CSMD1: variants seen among roughly 807,000 people sequenced by gnomAD.
The protein encoded by CSMD1 is CUB and Sushi multiple domains 1.
CSMD1 carries 213 observed loss-of-function variants against 417.5 expected under a neutral mutation model. The observed-to-expected ratio is 0.51, with a 90% CI of 0.46 to 0.57. The LOEUF is 0.57. Ranked by LOEUF, CSMD1 falls within the 20% of genes least tolerant of loss-of-function variation. The pLI is 0.00. For synonymous variants in CSMD1, 2,862 were observed against 1,736.8 expected, an observed-to-expected ratio of 1.65 and a Z score of -16.11; for missense variants, 6,923 against 4,529.7, an observed-to-expected ratio of 1.53 and a Z score of -15.17.
chr8:3,222,981 A>T (rs1798302445), intron 28 of CSMD1, among the ~76,000 whole-genome samples: 1 of 152,224 alleles, frequency 6.6e-6, no homozygotes, highest in Non-Finnish European at 1.5e-5. Flanking sequence ...AATCCCAGAT[A>T]CTTGTCCTTG....
chr8:3,931,489 G>C (rs866517006), intron 5 of CSMD1, among the ~76,000 whole-genome samples: 3 of 150,030 alleles, frequency 2.0e-5, no homozygotes, highest in Middle Eastern at 6.9e-3. Flanking sequence ...ATTTTTAAAA[G>C]GCATAAAAGC....
chr8:4,131,688 C>A (rs1264564209), intron 3 of CSMD1, among the ~76,000 whole-genome samples: 1 of 151,166 alleles, frequency 6.6e-6, no homozygotes, highest in South Asian at 2.1e-4. Context: ...TTTATTGCAT[C>A]CCTTGCAAAA....
intron 10 of CSMD1, among the ~76,000 whole-genome samples, chr8:3,504,461 G>T (rs1796739926): frequency 6.6e-6 from 1 of 152,170 alleles, no homozygotes; most frequent in Admixed American, 6.6e-5. Context: ...TTGGCATCCA[G>T]CAGACACTTG....
intron 1 of CSMD1, among the ~76,000 whole-genome samples, chr8:4,779,078 C>A (rs572043844): frequency 6.6e-6 from 1 of 152,130 alleles, no homozygotes; most frequent in Non-Finnish European, 1.5e-5. Context: ...AGAATCCTTA[C>A]GAGAGGCCGT....
intron 12 of CSMD1, among the ~76,000 whole-genome samples, chr8:3,438,785 T>A (rs898015621): frequency 6.6e-6 from 1 of 151,980 alleles, no homozygotes; most frequent in Admixed American, 6.6e-5. Context: ...GGAAGTGCAA[T>A]TGTCGGGTCA....
intron 3 of CSMD1, among the ~76,000 whole-genome samples, chr8:4,252,715 T>C (rs1431907189): frequency 2.0e-5 from 3 of 152,230 alleles, no homozygotes; most frequent in Admixed American, 6.5e-5. Context: ...ATTGGTTGTA[T>C]TGGTTGTACA....
intron 7 of CSMD1, among the ~76,000 whole-genome samples, chr8:3,649,998 G>C (rs1028062243): frequency 6.6e-6 from 1 of 152,100 alleles, no homozygotes; most frequent in African/African-American, 2.4e-5. Flanking sequence ...GATAAATGAG[G>C]CTGGGCCTGG....
chr8:4,046,484 G>A (rs17068729), intron 3 of CSMD1, among the ~76,000 whole-genome samples: 18,409 of 152,104 alleles, frequency 0.12, 1,560 homozygotes, highest in East Asian at 0.35. Flanking sequence ...AGAGTCTTTC[G>A]GAAAGGATAA....
intron 1 of CSMD1, among the ~76,000 whole-genome samples, chr8:4,875,972 C>T (rs931379275): frequency 6.6e-6 from 1 of 151,968 alleles, no homozygotes; most frequent in Admixed American, 6.6e-5. Flanking sequence ...TTCACATTTT[C>T]TTATGAACAC....
chr8:4,543,696 AAAAAC>A, intron 2 of CSMD1, among the ~76,000 whole-genome samples: 1 of 150,630 alleles, frequency 6.6e-6, no homozygotes, highest in African/African-American at 2.4e-5. Flanking sequence ...AAAAAAAAAA[AAAAAC>A]CCACACCAAA....
chr8:4,235,701 T>C lies in CSMD1; in HGVS notation c.415+184252A>G, dbSNP rs959280070. On this transcript the variant is annotated intron_variant, in intron 3 of 69. Transcript: ENST00000635120. Reference sequence around the variant, plus strand: ...TGCCATGTTTTCCTGAAGAATTTTATTTATTCTTGTGATATGTAAGTTCTC... The same window carrying C: ...TGCCATGTTTTCCTGAAGAATTTTACTTATTCTTGTGATATGTAAGTTCTC... Among the ~76,000 whole-genome samples the C allele has an allele frequency of 2.0e-5, 3 of 152,348 alleles. No homozygotes were observed. In the East Asian group the frequency reaches 5.8e-4, roughly 29 times the overall value.
intron 23 of CSMD1, among the ~76,000 whole-genome samples, chr8:3,326,492 C>A (rs1040914699): frequency 1.3e-5 from 2 of 152,200 alleles, no homozygotes; most frequent in African/African-American, 4.8e-5. Context: ...CCCAAACTTG[C>A]CCTCTCCTGA....
intron 1 of CSMD1, among the ~76,000 whole-genome samples, chr8:4,769,151 T>C (rs1585070066): frequency 1.3e-5 from 2 of 152,322 alleles, no homozygotes; most frequent in Non-Finnish European, 2.9e-5. Context: ...TTATTTCACC[T>C]TTCTTGATTT....
intron 3 of CSMD1, among the ~76,000 whole-genome samples, chr8:4,291,735 G>C (rs1360656936): frequency 6.6e-6 from 1 of 152,162 alleles, no homozygotes; most frequent in Admixed American, 6.5e-5. Flanking sequence ...GTTATATGCG[G>C]AGACAAAAGT....
intron 23 of CSMD1, among the ~76,000 whole-genome samples, chr8:3,311,964 C>T (rs1241554269): frequency 6.6e-6 from 1 of 151,916 alleles, no homozygotes; most frequent in South Asian, 2.1e-4. Flanking sequence ...TTAAAGACTT[C>T]AATCAAAAAA....
rs1219355806 is a variant in CSMD1, at chr8:3,187,098, G to T, written c.5620+771C>A. Among the ~76,000 whole-genome samples, 3 of 152,196 alleles carry T rather than the reference G, an allele frequency of 2.0e-5. No individual in the cohort carries two copies. In the East Asian group the frequency reaches 5.8e-4, roughly 29 times the overall value. Reference sequence around the variant, plus strand: ...TTAACAGAAGTTCATAACTGGCAAAGTAAAGGCTCAGGAAATGTGGGCAAC... The same window carrying T: ...TTAACAGAAGTTCATAACTGGCAAATTAAAGGCTCAGGAAATGTGGGCAAC... On this transcript the variant is annotated intron_variant, in intron 36 of 69. Transcript: ENST00000635120.
chr8:4,666,086 T>C (rs1019235771), intron 1 of CSMD1, among the ~76,000 whole-genome samples: 13 of 152,138 alleles, frequency 8.5e-5, no homozygotes, highest in Non-Finnish European at 1.9e-4. Context: ...ATTTTGCTTC[T>C]AGGTAACGTT....
chr8:3,689,263 C>G (rs1030881114), intron 7 of CSMD1, among the ~76,000 whole-genome samples: 6 of 152,154 alleles, frequency 3.9e-5, no homozygotes, highest in Admixed American at 1.3e-4. Context: ...AATCATGGAA[C>G]TTGCAGCTGA....
chr8:4,643,057 T>C (rs1585380412), intron 1 of CSMD1, among the ~76,000 whole-genome samples: 2 of 152,316 alleles, frequency 1.3e-5, no homozygotes. Flanking sequence ...CTGATATCAT[T>C]TGAAAGCGTA....
Sources: allele counts gnomAD v4.1 joint callset (sites outside exome capture counted in the v4.1 genomes callset), GRCh38; gene constraint gnomAD v4.1.1; transcripts MANE v1.5; gene names NCBI Gene and HGNC (gene_info 2026-07-23, HGNC 2026-07-21).